The following EPHA3 variants were observed in gnomAD, a reference collection of about 807,000 sequenced individuals.
The protein encoded by EPHA3 is EPH receptor A3, also known as ephrin type-A receptor 3.
In EPHA3, 42 loss-of-function variants were observed where a neutral mutation model predicts 107.1. The ratio of observed to expected loss-of-function variants is 0.39; its 90% CI spans 0.31 to 0.51. EPHA3 has a LOEUF of 0.51. Among genes scored for constraint, EPHA3 ranks in the 20% least tolerant of loss-of-function variants. The pLI, the probability that EPHA3 is intolerant of heterozygous loss-of-function variation, is 0.78. For synonymous variants in EPHA3, 461 were observed against 424.8 expected, an observed-to-expected ratio of 1.09 and a Z score of -1.05; for missense variants, 1,183 against 1,211.2, an observed-to-expected ratio of 0.98 and a Z score of 0.35.
chr3:89,188,950 G>T (rs1461432709), intron 2 of EPHA3, among the ~76,000 whole-genome samples: 1 of 152,106 alleles, frequency 6.6e-6, no homozygotes, highest in Non-Finnish European at 1.5e-5. Flanking sequence ...AAAGTGTATG[G>T]TTCATACTAG....
chr3:89,248,618 G>T (rs904897515), intron 3 of EPHA3, among the ~76,000 whole-genome samples: 6 of 152,110 alleles, frequency 3.9e-5, no homozygotes, highest in Non-Finnish European at 5.9e-5. Flanking sequence ...TACATCTCAG[G>T]AAGTCCAAAT....
intron 5 of EPHA3, among the ~76,000 whole-genome samples, chr3:89,348,097 C>A (rs1050816355): frequency 4.7e-5 from 7 of 147,966 alleles, no homozygotes; most frequent in Non-Finnish European, 6.0e-5. Flanking sequence ...GTATCTCTGC[C>A]CGGCTTTGGT....
At chr3:89,357,207 A>G (rs915298317) in intron 5 of EPHA3, among the ~76,000 whole-genome samples, 3 of 149,304 alleles carry the variant, frequency 2.0e-5, no homozygotes, top group African/African-American at 7.3e-5. Context: ...ACCAGGTGGC[A>G]ACAAATGTTC....
intron 5 of EPHA3, among the ~76,000 whole-genome samples, chr3:89,383,631 T>A (rs1412978668): frequency 6.9e-6 from 1 of 145,596 alleles, no homozygotes. Flanking sequence ...GTCAGCCTAC[T>A]TCTTCTTCTT....
intron 3 of EPHA3, among the ~76,000 whole-genome samples, chr3:89,246,956 C>T (rs1348192505): frequency 1.3e-5 from 2 of 152,080 alleles, no homozygotes; most frequent in Non-Finnish European, 2.9e-5. Context: ...AGAACAAGAG[C>T]AAATGTTAGC....
chr3:89,157,532 T>G (rs949760021), intron 2 of EPHA3, among the ~76,000 whole-genome samples: 1 of 151,820 alleles, frequency 6.6e-6, no homozygotes, highest in African/African-American at 2.4e-5. Context: ...CTGATTTCCT[T>G]TGGGTCCTGG....
intron 2 of EPHA3, among the ~76,000 whole-genome samples, chr3:89,180,951 T>A (rs1272096930): frequency 6.6e-6 from 1 of 151,950 alleles, no homozygotes; most frequent in Non-Finnish European, 1.5e-5. Flanking sequence ...TTGGACAAGA[T>A]GTTGATAAAC....
chr3:89,426,572 C>T lies in EPHA3; in HGVS notation c.2075-2534C>T, dbSNP rs115776170. Among the ~76,000 whole-genome samples the T allele has an allele frequency of 4.3e-3, 646 of 151,860 alleles. 4 individuals carry two copies. Among genetic ancestry groups the T allele is most frequent in the Admixed American group, 4.1e-3 (62 of 15,194 alleles). On this transcript the variant is annotated intron_variant, in intron 11 of 16. Coordinates refer to ENST00000336596, the MANE Select transcript of EPHA3 (RefSeq NM_005233.6). ...GGTCATGGGGCTTTGACTTAATTGACTGGTTTGATTTTTCAGCTACTTTTA... is the reference window on the plus strand; with the variant it reads ...GGTCATGGGGCTTTGACTTAATTGATTGGTTTGATTTTTCAGCTACTTTTA...
intron 3 of EPHA3, among the ~76,000 whole-genome samples, chr3:89,277,032 C>A (rs1216920417): frequency 6.6e-6 from 1 of 152,106 alleles, no homozygotes; most frequent in Non-Finnish European, 1.5e-5. Context: ...CCTTAATCCA[C>A]CTCCCCAATG....
intron 2 of EPHA3, among the ~76,000 whole-genome samples, chr3:89,147,515 G>GTTTTCTC (rs1704589763): frequency 1.3e-5 from 2 of 151,894 alleles, no homozygotes; most frequent in Non-Finnish European, 2.9e-5. Context: ...CACTGCAAAA[G>GTTTTCTC]TTACAGCCAC....
At chr3:89,455,995 T>A (rs562450491) in intron 15 of EPHA3, among the ~76,000 whole-genome samples, 1 of 152,202 alleles carries the variant, frequency 6.6e-6, no homozygotes, top group Non-Finnish European at 1.5e-5. Context: ...GTATTACCAG[T>A]GCAGATTGAT....
chr3:89,307,534 C>T (rs1413022765), intron 3 of EPHA3, among the ~76,000 whole-genome samples: 1 of 152,084 alleles, frequency 6.6e-6, no homozygotes, highest in Non-Finnish European at 1.5e-5. Context: ...AGAATAGTAA[C>T]AGTGCTAATG....
intron 3 of EPHA3, among the ~76,000 whole-genome samples, chr3:89,255,355 G>T (rs1397561152): frequency 6.6e-6 from 1 of 152,154 alleles, no homozygotes; most frequent in Admixed American, 6.5e-5. Context: ...CCCTTAGTCT[G>T]TTCATTTGGG....
At chr3:89,257,203 A>G (rs1170197278) in intron 3 of EPHA3, among the ~76,000 whole-genome samples, 2 of 152,140 alleles carry the variant, frequency 1.3e-5, no homozygotes, top group African/African-American at 2.4e-5. Flanking sequence ...TCAGACCAAA[A>G]CACTTGAGGC....
At chr3:89,467,337 A>G (rs1710303669) in intron 15 of EPHA3, among the ~76,000 whole-genome samples, 4 of 152,206 alleles carry the variant, frequency 2.6e-5, no homozygotes, top group Admixed American at 2.6e-4. Flanking sequence ...ATTTCCTGAA[A>G]CTATTCACAA....
chr3:89,402,509 T>G (rs1383609059), intron 7 of EPHA3, among the ~76,000 whole-genome samples: 1 of 151,832 alleles, frequency 6.6e-6, no homozygotes, highest in Non-Finnish European at 1.5e-5. Flanking sequence ...AAAGACAAAA[T>G]TTTTTTTGTC....
intron 2 of EPHA3, among the ~76,000 whole-genome samples, chr3:89,191,495 A>G (rs12488838): frequency 0.14 from 21,530 of 151,672 alleles, 1,666 homozygotes; most frequent in African/African-American, 0.21. Context: ...TTTAGTAGAG[A>G]CGGGGTTTCA....
chr3:89,319,666 A>G (rs1308224215), intron 3 of EPHA3, among the ~76,000 whole-genome samples: 1 of 151,914 alleles, frequency 6.6e-6, no homozygotes, highest in African/African-American at 2.4e-5. Flanking sequence ...GGCTCAATTT[A>G]TTCTGTCAGG....
At chr3:89,177,162 G>A (rs1705339467) in intron 2 of EPHA3, among the ~76,000 whole-genome samples, 1 of 152,134 alleles carries the variant, frequency 6.6e-6, no homozygotes, top group African/African-American at 2.4e-5. Flanking sequence ...TATTATAAGA[G>A]TAGTTTTTCT....
Sources: gnomAD v4.1 joint callset for allele counts (sites outside exome capture counted in the v4.1 genomes callset) on GRCh38, gnomAD v4.1.1 for gene constraint, MANE v1.5 for transcripts, NCBI Gene and HGNC (gene_info 2026-07-23, HGNC 2026-07-21) for gene names.